FRMD6: variants seen among roughly 807,000 people sequenced by gnomAD.
FRMD6 encodes FERM domain-containing protein 6.
In FRMD6, 37 loss-of-function variants were observed where a neutral mutation model predicts 73.2. The observed-to-expected ratio is 0.51, with a 90% CI of 0.39 to 0.66. The LOEUF (loss-of-function observed/expected upper bound fraction) is 0.66, where lower values mean the gene tolerates loss of function less well. FRMD6 is among the 30% of genes least tolerant of loss of function. The probability of loss-of-function intolerance (pLI) is 0.00; values close to 1 mark genes in which losing one functional copy is unlikely to be tolerated. For synonymous variants in FRMD6, 273 were observed against 282.2 expected (o/e 0.97, Z 0.33); for missense variants, 714 against 780.5 (o/e 0.91, Z 1.02).
intron 1 of FRMD6, among the ~76,000 whole-genome samples, chr14:51,680,638 G>A (rs1412746503): frequency 6.6e-6 from 1 of 151,766 alleles, no homozygotes; most frequent in East Asian, 1.9e-4. Context: ...CTTTGATTTA[G>A]CAGCTTTCTT....
chr14:51,505,400 A>T (rs1167700305), intron 1 of FRMD6, among the ~76,000 whole-genome samples: 1 of 152,106 alleles, frequency 6.6e-6, no homozygotes, highest in African/African-American at 2.4e-5. Context: ...GAATTTTTAC[A>T]TGAATTGTAA....
intron 2 of FRMD6, among the ~76,000 whole-genome samples, chr14:51,696,325 A>G (rs1895940012): frequency 6.6e-6 from 1 of 151,508 alleles, no homozygotes; most frequent in Non-Finnish European, 1.5e-5. Flanking sequence ...CAGCAGAATT[A>G]CTGTCCTCCA....
intron 2 of FRMD6, among the ~76,000 whole-genome samples, chr14:51,605,605 C>A (rs553502053): frequency 6.6e-6 from 1 of 152,034 alleles, no homozygotes; most frequent in Admixed American, 6.6e-5. Context: ...AGAATATATA[C>A]CTTAAAAGGC....
At chr14:51,615,363 G>A (rs1289490000) in intron 2 of FRMD6, among the ~76,000 whole-genome samples, 1 of 152,174 alleles carries the variant, frequency 6.6e-6, no homozygotes, top group Non-Finnish European at 1.5e-5. Context: ...AAAGTATGGA[G>A]ATGCTAATGA....
At chr14:51,481,949 T>G in the FRMD6 span, among the ~76,000 whole-genome samples, 2 of 152,216 alleles carry the variant, frequency 1.3e-5, no homozygotes, top group Non-Finnish European at 1.5e-5. Context: ...TTGTTCAAAT[T>G]GCATTTTATA....
At chr14:51,559,805 C>A (rs1887376939) in intron 1 of FRMD6, among the ~76,000 whole-genome samples, 1 of 152,122 alleles carries the variant, frequency 6.6e-6, no homozygotes, top group Non-Finnish European at 1.5e-5. Context: ...CTTCCCTGAG[C>A]CTGCAAGATT....
upstream of FRMD6, among the ~76,000 whole-genome samples, chr14:51,485,848 G>T (rs905849960): frequency 6.6e-6 from 1 of 151,958 alleles, no homozygotes; most frequent in African/African-American, 2.4e-5. Context: ...TAACTTTCCC[G>T]AGGTGAGGAA....
intron 2 of FRMD6, among the ~76,000 whole-genome samples, chr14:51,602,915 A>G (rs1163621513): frequency 6.6e-6 from 1 of 152,204 alleles, no homozygotes; most frequent in Non-Finnish European, 1.5e-5. Context: ...ATAGCTATAC[A>G]ATTGATTGCT....
chr14:51,490,644 C>A (rs911970188), intron 1 of FRMD6, among the ~76,000 whole-genome samples: 1 of 60,692 alleles, frequency 1.6e-5, no homozygotes, highest in Non-Finnish European at 3.6e-5. Context: ...GTATAAAATG[C>A]GAAATTTCTT....
chr14:51,504,380 G>A (rs771888214), intron 1 of FRMD6, among the ~76,000 whole-genome samples: 3 of 152,210 alleles, frequency 2.0e-5, no homozygotes, highest in Non-Finnish European at 4.4e-5. Context: ...GACCCCTGTT[G>A]GGAGGTCTCA....
At chr14:51,455,272 A>C in the FRMD6 span, among the ~76,000 whole-genome samples, 1 of 152,256 alleles carries the variant, frequency 6.6e-6, no homozygotes, top group Non-Finnish European at 1.5e-5. Flanking sequence ...TTCACATCCC[A>C]AGAATTTAAT....
chr14:51,672,943 C>G (rs1456058603), intron 1 of FRMD6, among the ~76,000 whole-genome samples: 1 of 152,070 alleles, frequency 6.6e-6, no homozygotes, highest in East Asian at 1.9e-4. Flanking sequence ...GAGTTTGGAC[C>G]TTATTCTAGC....
At chr14:51,631,464 A>G (rs2139980713) in intron 2 of FRMD6, among the ~76,000 whole-genome samples, 1 of 152,322 alleles carries the variant, frequency 6.6e-6, no homozygotes, top group South Asian at 2.1e-4. Flanking sequence ...TTATCTTTAG[A>G]ATGTCTACTT....
chr14:51,625,224 G>A (rs1891072360), intron 2 of FRMD6, among the ~76,000 whole-genome samples: 1 of 152,126 alleles, frequency 6.6e-6, no homozygotes, highest in African/African-American at 2.4e-5. Context: ...CCAGCAATCT[G>A]CATATTTAGA....
chr14:51,467,708 G>A, the FRMD6 span, among the ~76,000 whole-genome samples: 5 of 151,946 alleles, frequency 3.3e-5, no homozygotes, highest in Admixed American at 3.3e-4. Flanking sequence ...GCCTGGCAGA[G>A]GTGCTCCCCA....
intron 2 of FRMD6, among the ~76,000 whole-genome samples, chr14:51,593,151 T>C (rs1448102388): frequency 1.3e-5 from 2 of 152,208 alleles, no homozygotes; most frequent in Non-Finnish European, 2.9e-5. Context: ...TCGGTGTAAC[T>C]GATGGGATGT....
the FRMD6 span, among the ~76,000 whole-genome samples, chr14:51,458,151 G>T: frequency 1.3e-5 from 2 of 152,294 alleles, no homozygotes; most frequent in South Asian, 4.1e-4. Flanking sequence ...GGCTTTGTAT[G>T]TTGTCATTTT....
chr14:51,486,087 T>C (rs1285586344), upstream of FRMD6, among the ~76,000 whole-genome samples: 1 of 150,908 alleles, frequency 6.6e-6, no homozygotes, highest in Non-Finnish European at 1.5e-5. Context: ...CAGGCTGGAG[T>C]GCAGTGGCGC....
chr14:51,696,790 A>C (rs35791885), intron 2 of FRMD6, among the ~76,000 whole-genome samples: 4,727 of 152,142 alleles, frequency 0.031, 96 homozygotes, highest in Non-Finnish European at 0.051. Flanking sequence ...TGTCTTTAAA[A>C]AAAAGTCTAG....
Sources: gnomAD v4.1 joint callset for allele counts (sites outside exome capture counted in the v4.1 genomes callset) on GRCh38, gnomAD v4.1.1 for gene constraint, MANE v1.5 for transcripts, NCBI Gene and HGNC (gene_info 2026-07-23, HGNC 2026-07-21) for gene names.